Variants in TENM2 observed in about 807,000 individuals in gnomAD.
TENM2 encodes the protein teneurin-2.
Under a neutral mutation model 245.2 loss-of-function variants are expected in TENM2, and 52 were observed. The ratio of observed to expected loss-of-function variants is 0.21; its 90% CI spans 0.17 to 0.27. The LOEUF is 0.27. TENM2 is among the 10% of genes least tolerant of loss of function. TENM2 has a pLI of 1.00. For missense variants in TENM2, 3,046 were observed against 3,666.8 expected (o/e 0.83, Z 4.37); for synonymous variants, 1,363 against 1,438.9 (o/e 0.95, Z 1.19).
At chr5:168,131,288 C>T (rs1754555759) in intron 12 of TENM2, among the ~76,000 whole-genome samples, 1 of 152,196 alleles carries the variant, frequency 6.6e-6, no homozygotes. Flanking sequence ...TGAGTAAAGG[C>T]TGCAATGGTT....
chr5:167,744,085 C>T (rs1208224000), intron 2 of TENM2, among the ~76,000 whole-genome samples: 1 of 152,184 alleles, frequency 6.6e-6, no homozygotes, highest in Non-Finnish European at 1.5e-5. Flanking sequence ...AACTTATTTT[C>T]TCCAGACACA....
the TENM2 span, among the ~76,000 whole-genome samples, chr5:167,030,484 T>A: frequency 6.6e-6 from 1 of 152,290 alleles, no homozygotes; most frequent in East Asian, 1.9e-4. Context: ...TCTCTTTTTT[T>A]ATTTACCCAG....
At chr5:167,695,314 G>A (rs563292638) in intron 2 of TENM2, among the ~76,000 whole-genome samples, 4 of 152,204 alleles carry the variant, frequency 2.6e-5, no homozygotes, top group South Asian at 4.2e-4. Context: ...AGCAGCTGTA[G>A]GTAAAACGTA....
At chr5:167,705,270 C>T (rs1758426503) in intron 2 of TENM2, among the ~76,000 whole-genome samples, 1 of 152,110 alleles carries the variant, frequency 6.6e-6, no homozygotes, top group South Asian at 2.1e-4. Flanking sequence ...ACGAGGTGAT[C>T]AGTTATTATC....
intron 2 of TENM2, among the ~76,000 whole-genome samples, chr5:167,866,607 G>A (rs762017495): frequency 7.9e-5 from 12 of 152,124 alleles, no homozygotes; most frequent in Admixed American, 1.3e-4. Flanking sequence ...TTGTTTCGGC[G>A]TGTTTAGAGC....
intron 2 of TENM2, among the ~76,000 whole-genome samples, chr5:167,832,608 G>A (rs981474911): frequency 6.6e-6 from 1 of 152,138 alleles, no homozygotes; most frequent in African/African-American, 2.4e-5. Context: ...GGCAGGGATG[G>A]ATGGATAGAG....
intron 2 of TENM2, among the ~76,000 whole-genome samples, chr5:167,832,359 C>T (rs1285039277): frequency 2.6e-5 from 4 of 152,230 alleles, no homozygotes; most frequent in African/African-American, 7.2e-5. Context: ...CACGCATGCT[C>T]ACAGGCCCAC....
intron 4 of TENM2, among the ~76,000 whole-genome samples, chr5:167,973,314 T>G (rs1583529425): frequency 6.6e-6 from 1 of 152,174 alleles, no homozygotes; most frequent in Non-Finnish European, 1.5e-5. Flanking sequence ...GATTTTATGC[T>G]AACTAAGGAT....
chr5:167,619,900 T>G (rs1196290109), intron 2 of TENM2, among the ~76,000 whole-genome samples: 1 of 152,118 alleles, frequency 6.6e-6, no homozygotes, highest in African/African-American at 2.4e-5. Flanking sequence ...TCATGGTAGG[T>G]GGACAAAAAT....
chr5:168,206,435 G>A (rs928792760), intron 19 of TENM2, among the ~76,000 whole-genome samples: 1 of 152,222 alleles, frequency 6.6e-6, no homozygotes, highest in African/African-American at 2.4e-5. Flanking sequence ...AAACACCCAT[G>A]TGAGCATGAG....
the TENM2 span, among the ~76,000 whole-genome samples, chr5:167,143,010 A>G: frequency 3.9e-5 from 6 of 152,314 alleles, no homozygotes; most frequent in African/African-American, 1.4e-4. Context: ...TATAAAATGT[A>G]AGCTTTAGTA....
intron 13 of TENM2, among the ~76,000 whole-genome samples, chr5:168,164,568 G>A (rs745805935): frequency 5.3e-5 from 8 of 152,066 alleles, no homozygotes; most frequent in Non-Finnish European, 1.0e-4. Context: ...GCCCTTTACA[G>A]GAGAAGTTTT....
chr5:168,001,279 C>T (rs1424951633), intron 5 of TENM2, among the ~76,000 whole-genome samples: 1 of 152,186 alleles, frequency 6.6e-6, no homozygotes, highest in East Asian at 1.9e-4. Flanking sequence ...CACATTTAAG[C>T]CCTCTAGCAG....
chr5:167,383,067 C>T (rs895507470), intron 2 of TENM2, among the ~76,000 whole-genome samples: 2 of 152,000 alleles, frequency 1.3e-5, no homozygotes, highest in Non-Finnish European at 2.9e-5. Flanking sequence ...AATTGCTCTG[C>T]ATTGGACGAA....
At chr5:167,878,477 G>A (rs911041453) in intron 3 of TENM2, among the ~76,000 whole-genome samples, 3 of 152,084 alleles carry the variant, frequency 2.0e-5, no homozygotes, top group South Asian at 2.1e-4. Flanking sequence ...CAGAGAGTTT[G>A]TTAAAGCTCC....
intron 2 of TENM2, among the ~76,000 whole-genome samples, chr5:167,507,805 G>C (rs1769656433): frequency 6.6e-6 from 1 of 152,096 alleles, no homozygotes; most frequent in Non-Finnish European, 1.5e-5. Flanking sequence ...CATGGAATGT[G>C]AATTTCTTTT....
intron 2 of TENM2, among the ~76,000 whole-genome samples, chr5:167,728,212 G>T (rs558712711): frequency 1.2e-4 from 19 of 152,234 alleles, no homozygotes; most frequent in African/African-American, 4.6e-4. Context: ...GGTATCCAGG[G>T]AAGATGAACT....
intron 12 of TENM2, among the ~76,000 whole-genome samples, chr5:168,136,081 A>T (rs1031592327): frequency 6.6e-6 from 1 of 152,170 alleles, no homozygotes; most frequent in African/African-American, 2.4e-5. Context: ...AACTCAGCAG[A>T]TGTTTATATA....
chr5:168,228,728 G>A (rs887174367), intron 25 of TENM2, among the ~76,000 whole-genome samples: 2 of 84,328 alleles, frequency 2.4e-5, no homozygotes, highest in African/African-American at 2.8e-4. Context: ...GAGAGGTTCA[G>A]GGAAGATTTC....
Sources: allele counts gnomAD v4.1 joint callset (sites outside exome capture counted in the v4.1 genomes callset), GRCh38; gene constraint gnomAD v4.1.1; transcripts MANE v1.5; gene names NCBI Gene and HGNC (gene_info 2026-07-23, HGNC 2026-07-21).